PCNX4: variants seen among roughly 807,000 people sequenced by gnomAD.
PCNX4 encodes the protein pecanex-like protein 4.
In PCNX4, 103 loss-of-function variants were observed where a neutral mutation model predicts 107.2. The observed-to-expected ratio is 0.96, with a 90% CI of 0.82 to 1.13. PCNX4 has a LOEUF of 1.13. PCNX4 is among the 50% of genes most tolerant of loss of function. The pLI is 0.00. For synonymous variants in PCNX4, 541 were observed against 481.7 expected, an observed-to-expected ratio of 1.12 and a Z score of -1.61; for missense variants, 1,528 against 1,379.4, an observed-to-expected ratio of 1.11 and a Z score of -1.71.
Position 60,108,229 on chromosome 14 carries a change from A to C in PCNX4, c.591A>C (p.Thr197=), listed in dbSNP as rs766101885. The change falls in exon 2 of 11, where the codon ACA becomes ACC. Residue 197 remains threonine (T), a synonymous_variant. Coordinates refer to ENST00000406854, the MANE Select transcript of PCNX4 (RefSeq NM_001330177.2). Reference sequence around the variant, plus strand: ...ATTCTTTAATTGTAAACACAGCTACAGAGACTGCGACTTTCCAAACACAGG... The same window carrying C: ...ATTCTTTAATTGTAAACACAGCTACCGAGACTGCGACTTTCCAAACACAGG... The part of the protein sequence containing the change: ...AEYSLIVNTA[T]ETATFQTQDT... 6.2e-7 allele frequency: 1 copy of C among 1,612,756 alleles called. No homozygotes were observed. The highest frequency in any genetic ancestry group is 8.5e-7 in the Non-Finnish European group (1 of 1,179,746).
rs558518459 is a variant in PCNX4 at position 60,144,521 on chromosome 14, C to A, written c.*10300C>A. On this transcript the variant is annotated 3_prime_UTR_variant, in exon 11 of 11. Coordinates refer to ENST00000406854, the MANE Select transcript of PCNX4 (RefSeq NM_001330177.2). ...ATACATTCCTCCACTGTGGAGGATG[C>A]AGCAATGAGGTGCCATCTTGGAAGC... 8.3e-5 allele frequency: 15 copies of A among 180,368 alleles called. No homozygotes were observed. The South Asian group carries it at 1.8e-3, about 22-fold the overall frequency. 11.2% of individuals were successfully genotyped at this position (180,368 alleles called of 1,614,324 possible).
intron 1 of PCNX4, among the ~76,000 whole-genome samples, chr14:60,104,004 A>G (rs918014430): frequency 6.6e-6 from 1 of 152,340 alleles, no homozygotes; most frequent in African/African-American, 2.4e-5. Context: ...TGAGTAGAGT[A>G]GGATATGCTG....
chr14:60,142,111 T>A lies in PCNX4; in HGVS notation c.*7890T>A, dbSNP rs990242627. 6.6e-6 allele frequency: 1 copy of A among 152,164 alleles called. No individual in the cohort carries two copies. Among genetic ancestry groups the A allele is most frequent in the African/African-American group, 2.4e-5 (1 of 41,438 alleles). 9.4% of individuals were successfully genotyped at this position (152,164 alleles called of 1,614,324 possible). ...AATGGGGTGGGCGAGGGGAAATGATTACAAAAGGGCAAAGGGAAACTTCTG... is the reference window on the plus strand; with the variant it reads ...AATGGGGTGGGCGAGGGGAAATGATAACAAAAGGGCAAAGGGAAACTTCTG... On this transcript the variant is annotated 3_prime_UTR_variant, in exon 11 of 11. Coordinates refer to ENST00000406854, the MANE Select transcript of PCNX4 (RefSeq NM_001330177.2). The surrounding 1 kb of genome is among the most constrained non-coding windows in gnomAD (Gnocchi z 4.7).
intron 8 of PCNX4, among the ~76,000 whole-genome samples, chr14:60,121,682 T>C (rs1358473310): frequency 1.3e-5 from 2 of 152,130 alleles, no homozygotes; most frequent in African/African-American, 4.8e-5. Context: ...TTTGTCTCCT[T>C]CCTTGAAGAG....
intron 10 of PCNX4, among the ~76,000 whole-genome samples, chr14:60,130,655 G>A (rs1056482435): frequency 3.3e-5 from 5 of 152,186 alleles, no homozygotes; most frequent in Admixed American, 1.3e-4. Context: ...GTATTGTTGG[G>A]CCTATAACAT....
At chr14:60,128,799 A>T (rs541292626) in intron 10 of PCNX4, among the ~76,000 whole-genome samples, 1 of 152,382 alleles carries the variant, frequency 6.6e-6, no homozygotes, top group Admixed American at 6.5e-5. Context: ...TAATTTGCTA[A>T]TAATTGCACA....
rs969391035 is a variant in PCNX4, at chr14:60,137,860, CG to C, written c.*3642del. The C allele has an allele frequency of 6.6e-6, 1 of 151,810 alleles. No individual in the cohort carries two copies. The highest frequency in any genetic ancestry group is 2.4e-5 in the African/African-American group (1 of 41,310). 9.4% of individuals were successfully genotyped at this position (151,810 alleles called of 1,614,324 possible). On this transcript the variant is annotated 3_prime_UTR_variant, in exon 11 of 11. Transcript: ENST00000406854. ...ATCCCAGCACTTTGGGAGGCTGAGG[CG>C]GGTGGATCATGAGGTCAGGAGATCG...
chr14:60,113,900 C>A (rs1895787075), intron 2 of PCNX4, among the ~76,000 whole-genome samples: 1 of 152,104 alleles, frequency 6.6e-6, no homozygotes, highest in Non-Finnish European at 1.5e-5. Context: ...TTATTTGAAG[C>A]AGTTTGATGA....
chr14:60,138,626 G>A lies in PCNX4; in HGVS notation c.*4405G>A, dbSNP rs1400124093. 23 of 152,172 alleles carry A rather than the reference G, an allele frequency of 1.5e-4. No individual in the cohort carries two copies. The highest frequency in any genetic ancestry group is 2.9e-5 in the Non-Finnish European group (2 of 68,000). 9.4% of individuals were successfully genotyped at this position (152,172 alleles called of 1,614,324 possible). On this transcript the variant is annotated 3_prime_UTR_variant, in exon 11 of 11. Transcript: ENST00000406854. ...CTGCAATTTTAGAATTCAATACCCA[G>A]CCTTTCCCCAAAAACAATTCTTAAG...
chr14:60,109,659 C>G (rs1895697431), intron 2 of PCNX4: 1 of 164,826 alleles, frequency 6.1e-6, no homozygotes, highest in Non-Finnish European at 1.5e-5. Context: ...CAGGCTGGTC[C>G]CAAAGTCCTG....
chr14:60,101,556 C>T (rs1895532719), intron 1 of PCNX4, among the ~76,000 whole-genome samples: 2 of 152,242 alleles, frequency 1.3e-5, no homozygotes, highest in South Asian at 4.1e-4. Flanking sequence ...TATCACCTCA[C>T]CTGTTATGAT....
At chr14:60,118,751 T>A in intron 7 of PCNX4, 59 bp downstream of exon 7, 1 of 1,462,710 alleles carries the variant, frequency 6.8e-7, no homozygotes, top group Non-Finnish European at 9.1e-7. Flanking sequence ...TACAAAAAAA[T>A]AACAAACAGG....
chr14:60,124,744 A>T lies in PCNX4; in HGVS notation c.2573A>T (p.Glu858Val). ...GTNLFIPGSVESQRVGDHSTG... is the reference protein window; with the variant it reads ...GTNLFIPGSVVSQRVGDHSTG... Reference sequence around the variant, plus strand: ...AATTTGTTTATTCCAGGATCAGTAGAATCACAGAGGGTTGGTGATCATTCT... The same window carrying T: ...AATTTGTTTATTCCAGGATCAGTAGTATCACAGAGGGTTGGTGATCATTCT... The change falls in exon 9 of 11, where the codon GAA becomes GTA. Residue 858 changes from glutamate to valine, a missense_variant. Coordinates refer to ENST00000406854, the MANE Select transcript of PCNX4 (RefSeq NM_001330177.2). 1 of 1,613,158 alleles carries T rather than the reference A, an allele frequency of 6.2e-7. No individual in the cohort carries two copies. The highest frequency in any genetic ancestry group is 1.7e-5 in the Admixed American group (1 of 60,010).
At chr14:60,094,883 T>G (rs1895393229) in intron 1 of PCNX4, among the ~76,000 whole-genome samples, 1 of 151,902 alleles carries the variant, frequency 6.6e-6, no homozygotes, top group South Asian at 2.1e-4. Context: ...CTTGGTTAAG[T>G]CACTTAATAT....
rs1464646122 is a variant in PCNX4, at chr14:60,140,036, TAAAG to T, written c.*5818_*5821del. The T allele has an allele frequency of 6.6e-6, 1 of 151,046 alleles. No homozygotes were observed. The highest frequency in any genetic ancestry group is 1.9e-4 in the East Asian group (1 of 5,152). The allele number at this position is 151,046 out of a possible 1,614,324, so 9.4% of individuals were successfully genotyped here. The stretch of plus-strand genomic sequence containing the variant: ...AACCTGAAGAAAATAAAGGAAATAA[TAAAG>T]AACAAGAATTAATGGAGTAGAAAAT... On this transcript the variant is annotated 3_prime_UTR_variant, in exon 11 of 11. Coordinates refer to ENST00000406854, the MANE Select transcript of PCNX4 (RefSeq NM_001330177.2). The surrounding 1 kb of genome is among the most constrained non-coding windows in gnomAD (Gnocchi z 4.2).
chr14:60,116,008 G>A lies in PCNX4; in HGVS notation c.1526G>A (p.Ser509Asn), dbSNP rs137987112. The A allele has an allele frequency of 4.5e-3, 7,243 of 1,612,922 alleles. 41 individuals are homozygous for A. Among genetic ancestry groups the A allele is most frequent in the South Asian group, 0.015 (1,368 of 90,808 alleles). ...GTATCAACAGTACACTTGATCTCCA[G>A]TACAGACATATGGTGGAACAGAAGC... ...VIVSTVHLISSTDIWWNRSLD... is the reference protein window; with the variant it reads ...VIVSTVHLISNTDIWWNRSLD... The change falls in exon 6 of 11, where the codon AGT (serine) becomes AAT (asparagine). Residue 509 changes from serine (S) to asparagine (N), a missense_variant. Ser to Asn is a conservative substitution (Grantham distance 46). Coordinates refer to ENST00000406854, the MANE Select transcript of PCNX4 (RefSeq NM_001330177.2).
intron 1 of PCNX4, among the ~76,000 whole-genome samples, chr14:60,101,398 TA>T (rs1895529660): frequency 6.6e-6 from 1 of 151,912 alleles, no homozygotes; most frequent in South Asian, 2.1e-4. Flanking sequence ...AACAATTTCA[TA>T]AAAAGGAACA....
In PCNX4 at chr14:60,137,966, C is replaced by T. The variant is rs1023148453; in HGVS notation, c.*3745C>T. 1.3e-5 allele frequency: 2 copies of T among 151,980 alleles called. No individual in the cohort carries two copies. The highest frequency in any genetic ancestry group is 6.6e-5 in the Admixed American group (1 of 15,256). 9.4% of individuals were successfully genotyped at this position (151,980 alleles called of 1,614,324 possible). On this transcript the variant is annotated 3_prime_UTR_variant, in exon 11 of 11. Transcript: ENST00000406854. ...AATAACCGGGTGTGGTGGTGGGTGCCTGTAGTCCCAGCTACTCAGGAGGCT... is the reference window on the plus strand; with the variant it reads ...AATAACCGGGTGTGGTGGTGGGTGCTTGTAGTCCCAGCTACTCAGGAGGCT...
chr14:60,124,746 T>C lies in PCNX4; in HGVS notation c.2575T>C (p.Ser859Pro), dbSNP rs148749375. The change falls in exon 9 of 11, where the codon TCA becomes CCA. Residue 859 changes from serine to proline, a missense_variant. Ser to Pro is a moderately conservative substitution (Grantham distance 74). Transcript: ENST00000406854. ...TNLFIPGSVE[S>P]QRVGDHSTGT... ...TTTGTTTATTCCAGGATCAGTAGAA[T>C]CACAGAGGGTTGGTGATCATTCTAC... 16 of 1,613,170 alleles carry C rather than the reference T, an allele frequency of 9.9e-6. No homozygotes were observed. In the East Asian group the frequency reaches 3.3e-4, roughly 34 times the overall value.
Sources: gnomAD v4.1 joint callset for allele counts (sites outside exome capture counted in the v4.1 genomes callset) on GRCh38, gnomAD v4.1.1 for gene constraint, Gnocchi (gnomAD v3.1) non-coding constraint, MANE v1.5 for transcripts, NCBI Gene and HGNC (gene_info 2026-07-23, HGNC 2026-07-21) for gene names.